CDH4: variants seen among roughly 807,000 people sequenced by gnomAD.
The protein encoded by CDH4 is cadherin 4, also known as cadherin-4.
CDH4 carries 33 observed loss-of-function variants against 86.0 expected under a neutral mutation model. That is an observed-to-expected ratio of 0.38 (90% CI 0.29 to 0.51). The LOEUF (loss-of-function observed/expected upper bound fraction) is 0.51, where lower values mean the gene tolerates loss of function less well. Among genes scored for constraint, CDH4 ranks in the 20% least tolerant of loss-of-function variants. The probability of loss-of-function intolerance (pLI) is 0.86; values close to 1 mark genes in which losing one functional copy is unlikely to be tolerated. For missense variants in CDH4, 1,114 were observed against 1,307.4 expected, an observed-to-expected ratio of 0.85 and a Z score of 2.28; for synonymous variants, 555 against 549.4, an observed-to-expected ratio of 1.01 and a Z score of -0.14.
In CDH4 at chr20:61,518,267, A is replaced by G. The variant is rs980671865; in HGVS notation, c.170-225296A>G. On this transcript the variant is annotated intron_variant, in intron 2 of 15. Transcript: ENST00000614565. The surrounding 1 kb of genome is among the most constrained non-coding windows in gnomAD (Gnocchi z 6.3). ...CAGGCTGACTGCATGGTGGTGGTAT[A>G]ATTCCCACTATAAAGTGGAGGACTC... Among the ~76,000 whole-genome samples, 1 of 152,160 alleles carries G rather than the reference A, an allele frequency of 6.6e-6. No individual in the cohort carries two copies. The highest frequency in any genetic ancestry group is 1.5e-5 in the Non-Finnish European group (1 of 68,022).
chr20:61,500,930 A>C (rs1300352956), intron 2 of CDH4, among the ~76,000 whole-genome samples: 2 of 152,200 alleles, frequency 1.3e-5, no homozygotes, highest in African/African-American at 4.8e-5. Flanking sequence ...GAAACTCTTC[A>C]AATTCCTGAG....
chr20:61,581,237 A>G (rs1210425240), intron 2 of CDH4, among the ~76,000 whole-genome samples: 1 of 152,114 alleles, frequency 6.6e-6, no homozygotes, highest in Non-Finnish European at 1.5e-5. Flanking sequence ...GTCTCGCCAT[A>G]TGTATTAGTT....
intron 2 of CDH4, among the ~76,000 whole-genome samples, chr20:61,268,961 G>T (rs1187849388): frequency 6.6e-6 from 1 of 152,270 alleles, no homozygotes; most frequent in East Asian, 1.9e-4. Context: ...GGGGACAGCC[G>T]CTGGTGTTTG....
intron 2 of CDH4, among the ~76,000 whole-genome samples, chr20:61,333,958 G>C (rs544445282): frequency 1.3e-5 from 2 of 152,188 alleles, no homozygotes; most frequent in Admixed American, 6.5e-5. Context: ...CGGTGAGGGC[G>C]GGAGAGACAA....
At position 61,940,120 on chromosome 20, in the gene CDH4, C is replaced by CCAGA. The variant is rs2055245937; in HGVS notation, c.*3180_*3183dup. On this transcript the variant is annotated 3_prime_UTR_variant, in exon 16 of 16. Transcript: ENST00000614565. ...ACCAAAAGAATCAACACAGAATCTC[C>CCAGA]CAGACACACGTGACCCAGCTCGTGG... is the stretch of plus-strand genomic sequence containing the variant. The CCAGA allele has an allele frequency of 6.6e-6, 1 of 152,242 alleles. No individual in the cohort carries two copies. The highest frequency in any genetic ancestry group is 6.5e-5 in the Admixed American group (1 of 15,278). The allele number at this position is 152,242 out of a possible 1,614,324, so 9.4% of individuals were successfully genotyped here.
At chr20:61,893,232 C>T (rs939941496) in intron 7 of CDH4, among the ~76,000 whole-genome samples, 7 of 6,226 alleles carry the variant, frequency 1.1e-3, no homozygotes, top group East Asian at 4.5e-3. Flanking sequence ...GATGGGTGAC[C>T]ACAGGGATGG....
chr20:61,375,713 A>AGTGTG (rs2084864751), intron 2 of CDH4, among the ~76,000 whole-genome samples: 3 of 14,956 alleles, frequency 2.0e-4, no homozygotes, highest in Admixed American at 7.2e-4. Context: ...GTGATGGTGT[A>AGTGTG]GTTTGTTGAT....
At chr20:61,366,278 G>A (rs971134657) in intron 2 of CDH4, among the ~76,000 whole-genome samples, 4 of 152,202 alleles carry the variant, frequency 2.6e-5, no homozygotes, top group African/African-American at 9.6e-5. Flanking sequence ...ATTCTAAGAC[G>A]AGATTTCTGT....
chr20:61,772,469 T>A (rs1010853197), intron 3 of CDH4, among the ~76,000 whole-genome samples: 7 of 152,056 alleles, frequency 4.6e-5, no homozygotes, highest in Non-Finnish European at 1.0e-4. Context: ...TTGCTGTGAA[T>A]TATCTATTCA....
chr20:61,726,013 G>A (rs940084098), intron 2 of CDH4, among the ~76,000 whole-genome samples: 6 of 152,254 alleles, frequency 3.9e-5, no homozygotes, highest in South Asian at 2.1e-4. Context: ...TTCTCACCAC[G>A]TCACATGGAC....
At chr20:61,281,085 T>C (rs1568779799) in intron 2 of CDH4, among the ~76,000 whole-genome samples, 1 of 152,200 alleles carries the variant, frequency 6.6e-6, no homozygotes, top group African/African-American at 2.4e-5. Context: ...GCCTAACGCC[T>C]GGCTGGGGTC....
chr20:61,850,406 C>A (rs1466105661), intron 5 of CDH4, among the ~76,000 whole-genome samples: 1 of 152,196 alleles, frequency 6.6e-6, no homozygotes, highest in Non-Finnish European at 1.5e-5. Flanking sequence ...CGGCCACTTC[C>A]AAGACCCTCA....
intron 4 of CDH4, among the ~76,000 whole-genome samples, chr20:61,782,876 G>A (rs1355377043): frequency 6.6e-6 from 1 of 152,204 alleles, no homozygotes; most frequent in Non-Finnish European, 1.5e-5. Flanking sequence ...TTGAGGCCAG[G>A]AGTTCAAGAC....
At chr20:61,613,322 A>G (rs1008469569) in intron 2 of CDH4, among the ~76,000 whole-genome samples, 1 of 152,038 alleles carries the variant, frequency 6.6e-6, no homozygotes, top group Admixed American at 6.5e-5. Flanking sequence ...CTTCATTCTG[A>G]GTTTCTGAAG....
At chr20:61,572,650 C>T (rs886533796) in intron 2 of CDH4, among the ~76,000 whole-genome samples, 4 of 152,230 alleles carry the variant, frequency 2.6e-5, no homozygotes, top group Non-Finnish European at 4.4e-5. Context: ...CCCAGGACAG[C>T]GCGTCTTTGT....
chr20:61,617,986 C>G lies in CDH4; in HGVS notation c.170-125577C>G, dbSNP rs542658546. ...AAGGGGTTTCCCCTTTTGCTTGGCT[C>G]TCATTCTCTTGCCTGCCGCCATGTA... On this transcript the variant is annotated intron_variant, in intron 2 of 15. Coordinates refer to ENST00000614565, the MANE Select transcript of CDH4 (RefSeq NM_001794.5). Among the ~76,000 whole-genome samples the G allele has an allele frequency of 4.6e-5, 7 of 152,284 alleles. No homozygotes were observed. The South Asian group carries it at 1.5e-3, about 32-fold the overall frequency.
intron 2 of CDH4, among the ~76,000 whole-genome samples, chr20:61,578,436 G>A (rs548462622): frequency 6.6e-6 from 1 of 152,292 alleles, no homozygotes; most frequent in South Asian, 2.1e-4. Flanking sequence ...CAAAATAACT[G>A]GGGATTTTCT....
intron 9 of CDH4, among the ~76,000 whole-genome samples, chr20:61,920,197 C>T (rs1374416268): frequency 7.2e-6 from 1 of 139,746 alleles, no homozygotes; most frequent in Admixed American, 7.3e-5. Context: ...AGCGTGGTGT[C>T]ATGGTGACTG....
Position 61,709,021 on chromosome 20 carries a change from G to A in CDH4, c.170-34542G>A, listed in dbSNP as rs547166308. 2.6e-5 allele frequency among the ~76,000 whole-genome samples: 4 copies of A among 152,354 alleles called. No homozygotes were observed. The highest frequency in any genetic ancestry group is 4.1e-4 in the South Asian group (2 of 4,828). ...TTCCCCGAAGGACCTCAGGCTACACGGGCAGTGGGGCTGCGGCCCAGCTCA... is the reference window on the plus strand; with the variant it reads ...TTCCCCGAAGGACCTCAGGCTACACAGGCAGTGGGGCTGCGGCCCAGCTCA... On this transcript the variant is annotated intron_variant, in intron 2 of 15. Coordinates refer to ENST00000614565, the MANE Select transcript of CDH4 (RefSeq NM_001794.5). This position sits in a 1 kb window ranked among gnomAD's most constrained non-coding sequence, Gnocchi z 4.8.
Sources: gnomAD v4.1 joint callset for allele counts (sites outside exome capture counted in the v4.1 genomes callset) on GRCh38, gnomAD v4.1.1 for gene constraint, Gnocchi (gnomAD v3.1) non-coding constraint, MANE v1.5 for transcripts, NCBI Gene and HGNC (gene_info 2026-07-23, HGNC 2026-07-21) for gene names.